Variants in USP13 observed in about 807,000 individuals in gnomAD.
USP13 encodes the protein ubiquitin carboxyl-terminal hydrolase 13.
USP13 carries 68 observed loss-of-function variants against 107.8 expected under a neutral mutation model. The ratio of observed to expected loss-of-function variants is 0.63; its 90% CI spans 0.52 to 0.77. The LOEUF (loss-of-function observed/expected upper bound fraction) is 0.77. USP13 is among the 30% of genes least tolerant of loss of function. The probability of loss-of-function intolerance (pLI) is 0.00; values close to 1 mark genes in which losing one functional copy is unlikely to be tolerated. For synonymous variants in USP13, 377 were observed against 389.5 expected (o/e 0.97, Z 0.38); for missense variants, 945 against 1,093.3 (o/e 0.86, Z 1.91).
At chr3:179,717,476 A>G (rs1713147977) in intron 6 of USP13, among the ~76,000 whole-genome samples, 1 of 152,228 alleles carries the variant, frequency 6.6e-6, no homozygotes, top group African/African-American at 2.4e-5. Flanking sequence ...CAAGAGCCTA[A>G]TGGGTTACGA....
chr3:179,735,926 G>A (rs1031715938), intron 10 of USP13, among the ~76,000 whole-genome samples: 2 of 152,126 alleles, frequency 1.3e-5, no homozygotes, highest in Non-Finnish European at 2.9e-5. Context: ...TGTAGTCCCA[G>A]ATACTTGGGA....
intron 2 of USP13, among the ~76,000 whole-genome samples, chr3:179,688,839 G>C (rs1711990676): frequency 6.6e-6 from 1 of 151,864 alleles, no homozygotes; most frequent in African/African-American, 2.4e-5. Flanking sequence ...TTTTGAAGCA[G>C]TTAAGTGGAA....
At chr3:179,767,582 G>A (rs1051789252) in intron 19 of USP13, among the ~76,000 whole-genome samples, 2 of 152,058 alleles carry the variant, frequency 1.3e-5, no homozygotes, top group Non-Finnish European at 2.9e-5. Context: ...GGGCCACCAC[G>A]CTCCCTTGTT....
chr3:179,773,349 C>T (rs1715398486), intron 19 of USP13, among the ~76,000 whole-genome samples: 1 of 152,136 alleles, frequency 6.6e-6, no homozygotes, highest in Admixed American at 6.5e-5. Flanking sequence ...ACTGCTGTGC[C>T]TCTGGGGTCT....
At chr3:179,753,415 G>A (rs1576978351) in intron 14 of USP13, among the ~76,000 whole-genome samples, 2 of 152,304 alleles carry the variant, frequency 1.3e-5, no homozygotes, top group East Asian at 3.8e-4. Flanking sequence ...TTCTTCCATG[G>A]ACCTGAAAAG....
chr3:179,771,705 A>G (rs528762469), intron 19 of USP13, among the ~76,000 whole-genome samples: 12 of 152,282 alleles, frequency 7.9e-5, no homozygotes, highest in African/African-American at 2.9e-4. Context: ...CTGAAATAAT[A>G]AGGTAGGTGT....
At chr3:179,754,047 C>T (rs541526997) in intron 14 of USP13, among the ~76,000 whole-genome samples, 1 of 152,268 alleles carries the variant, frequency 6.6e-6, no homozygotes, top group Non-Finnish European at 1.5e-5. Context: ...GAACGGGTTG[C>T]ATCATCAAAT....
At chr3:179,751,278 A>G (rs1714601429) in intron 13 of USP13, among the ~76,000 whole-genome samples, 1 of 152,202 alleles carries the variant, frequency 6.6e-6, no homozygotes, top group Admixed American at 6.5e-5. Flanking sequence ...GAAAGTTTGA[A>G]GAGGATTCAA....
chr3:179,658,480 G>A (rs1720356370), intron 1 of USP13, among the ~76,000 whole-genome samples: 2 of 152,166 alleles, frequency 1.3e-5, no homozygotes, highest in Non-Finnish European at 2.9e-5. Context: ...TTTATGCCTT[G>A]CCTTAGCTTG....
At chr3:179,682,962 C>A (rs1173408741) in intron 2 of USP13, among the ~76,000 whole-genome samples, 1 of 152,106 alleles carries the variant, frequency 6.6e-6, no homozygotes, top group African/African-American at 2.4e-5. Context: ...CTTTCCCACA[C>A]CCTCACCAAC....
Position 179,754,815 on chromosome 3 carries a change from G to C in USP13, c.1882G>C (p.Asp628His). The C allele has an allele frequency of 3.1e-6, 5 of 1,612,936 alleles. No individual in the cohort carries two copies. The highest frequency in any genetic ancestry group is 4.2e-6 in the Non-Finnish European group (5 of 1,179,592). The change falls in exon 15 of 21, where the codon GAC becomes CAC. Residue 628 changes from aspartate (D) to histidine (H), a missense_variant. Physicochemically the swap from Asp to His is moderately conservative, Grantham distance 81. Transcript: ENST00000263966. ...ACAGCCAGGAGAGGAAGAACTTCCA[G>C]ACATCAGCCCCCCCATAGTCATTCC... The part of the protein sequence containing the change: ...GLQPGEEELP[D>H]ISPPIVIPDD...
chr3:179,732,021 G>C (rs1434464137), intron 10 of USP13, among the ~76,000 whole-genome samples: 1 of 152,166 alleles, frequency 6.6e-6, no homozygotes, highest in Non-Finnish European at 1.5e-5. Context: ...AGAACATATA[G>C]AGGCAGCCTT....
At chr3:179,656,355 T>A (rs1443747741) in intron 1 of USP13, among the ~76,000 whole-genome samples, 1 of 152,228 alleles carries the variant, frequency 6.6e-6, no homozygotes, top group Non-Finnish European at 1.5e-5. Context: ...TGATTTAAAG[T>A]GGTGTTGGAG....
intron 19 of USP13, among the ~76,000 whole-genome samples, chr3:179,769,775 T>C (rs900266199): frequency 1.1e-4 from 17 of 152,188 alleles, no homozygotes; most frequent in Non-Finnish European, 2.1e-4. Context: ...ATGTAATCCC[T>C]ATCCAGGGAA....
chr3:179,668,961 T>C (rs560296408), intron 1 of USP13, among the ~76,000 whole-genome samples: 1 of 152,232 alleles, frequency 6.6e-6, no homozygotes, highest in Non-Finnish European at 1.5e-5. Context: ...GGAACACTCA[T>C]GTCTTTCATT....
At chr3:179,662,455 T>C (rs1294541978) in intron 1 of USP13, among the ~76,000 whole-genome samples, 3 of 152,196 alleles carry the variant, frequency 2.0e-5, no homozygotes, top group East Asian at 1.9e-4. Context: ...CTTTCCCTGC[T>C]GCTGGCCTAG....
intron 4 of USP13, among the ~76,000 whole-genome samples, chr3:179,703,804 T>G (rs527384053): frequency 8.0e-4 from 122 of 152,340 alleles, no homozygotes; most frequent in African/African-American, 1.8e-3. Flanking sequence ...TGAGATACAG[T>G]AAAACAATTA....
intron 1 of USP13, among the ~76,000 whole-genome samples, chr3:179,660,729 CTG>C (rs1720433839): frequency 6.6e-6 from 1 of 152,244 alleles, no homozygotes; most frequent in Admixed American, 6.5e-5. Flanking sequence ...TTTAGGATCT[CTG>C]TGGAAAACTC....
At chr3:179,750,908 G>A (rs1199231743) in intron 13 of USP13, among the ~76,000 whole-genome samples, 2 of 152,126 alleles carry the variant, frequency 1.3e-5, no homozygotes, top group Admixed American at 1.3e-4. Flanking sequence ...TTTGCCCCGT[G>A]TTCTGTCCCT....
Sources: gnomAD v4.1 joint callset for allele counts (sites outside exome capture counted in the v4.1 genomes callset) on GRCh38, gnomAD v4.1.1 for gene constraint, MANE v1.5 for transcripts, NCBI Gene and HGNC (gene_info 2026-07-23, HGNC 2026-07-21) for gene names.